Variants in MBD2 observed in about 807,000 individuals in gnomAD.
The protein encoded by MBD2 is methyl-CpG binding domain protein 2, also known as methyl-CpG-binding domain protein 2.
In MBD2, 9 loss-of-function variants were observed where a neutral mutation model predicts 39.3. That is an observed-to-expected ratio of 0.23 (90% CI 0.14 to 0.40). MBD2 has a LOEUF of 0.40. Ranked by LOEUF, MBD2 falls within the 10% of genes least tolerant of loss-of-function variation. MBD2 has a pLI of 1.00. For missense variants in MBD2, 458 were observed against 532.6 expected (o/e 0.86, Z 1.38); for synonymous variants, 233 against 211.1 (o/e 1.10, Z -0.90).
At chr18:54,177,910 G>C (rs961220683) in intron 3 of MBD2, among the ~76,000 whole-genome samples, 1 of 132,116 alleles carries the variant, frequency 7.6e-6, no homozygotes, top group South Asian at 2.4e-4. Flanking sequence ...TATGATCATA[G>C]CTCGCTGCAA....
At chr18:54,210,783 G>A (rs183802872) in intron 1 of MBD2, among the ~76,000 whole-genome samples, 118 of 151,998 alleles carry the variant, frequency 7.8e-4, no homozygotes, top group Middle Eastern at 3.4e-3. Flanking sequence ...TACTTTATGG[G>A]GAATAATAAA....
chr18:54,217,442 C>A (rs867820241), intron 1 of MBD2, among the ~76,000 whole-genome samples: 1 of 152,152 alleles, frequency 6.6e-6, no homozygotes, highest in African/African-American at 2.4e-5. Flanking sequence ...TCGTTTCTCA[C>A]TGGAAATGGC....
intron 2 of MBD2, among the ~76,000 whole-genome samples, chr18:54,204,476 A>T (rs936531675): frequency 6.6e-6 from 1 of 152,254 alleles, no homozygotes; most frequent in African/African-American, 2.4e-5. Context: ...AAATTGCTAT[A>T]CAATAAACTA....
chr18:54,155,897 C>T lies in MBD2; in HGVS notation c.*13-586G>A, dbSNP rs1043722190. Among the ~76,000 whole-genome samples, 13 of 152,206 alleles carry T rather than the reference C, an allele frequency of 8.5e-5. No homozygotes were observed. In the East Asian group the frequency reaches 2.5e-3, roughly 29 times the overall value. On this transcript the variant is annotated intron_variant, in intron 6 of 6. Coordinates refer to ENST00000256429, the MANE Select transcript of MBD2 (RefSeq NM_003927.5). ...ACACCTTTGTTTTTACAGTCATCATCTTCTTCTTCTTCTTAAATTTTACTT... is the reference window on the plus strand; with the variant it reads ...ACACCTTTGTTTTTACAGTCATCATTTTCTTCTTCTTCTTAAATTTTACTT...
chr18:54,208,040 A>G (rs897955320), intron 1 of MBD2, among the ~76,000 whole-genome samples: 1 of 151,976 alleles, frequency 6.6e-6, no homozygotes, highest in Non-Finnish European at 1.5e-5. Flanking sequence ...TCTGTCTCAA[A>G]AAACAACAAC....
In MBD2 at chr18:54,164,523, C is replaced by T. The variant is rs2086117145; in HGVS notation, c.1109G>A (p.Arg370Lys). ...KAFIVTDEDI[R>K]KQEERVQQVR... ...ATGAAGTCATGTTAAACTGCATTAC[C>T]TGATGTCTTCATCTGTGACAATAAA... The change falls in exon 5 of 7, where the codon AGG (arginine) becomes AAG (lysine). Residue 370 changes from arginine to lysine, a missense_variant and splice_region_variant. Coordinates refer to ENST00000256429, the MANE Select transcript of MBD2 (RefSeq NM_003927.5). 2 of 1,607,826 alleles carry T rather than the reference C, an allele frequency of 1.2e-6. No homozygotes were observed. Among genetic ancestry groups the T allele is most frequent in the Non-Finnish European group, 1.7e-6 (2 of 1,174,672 alleles).
chr18:54,163,864 A>AT (rs1158000208), intron 5 of MBD2, among the ~76,000 whole-genome samples: 2 of 151,962 alleles, frequency 1.3e-5, no homozygotes, highest in Admixed American at 6.6e-5. Context: ...CAGAAAAGGC[A>AT]TAACTGAGTG....
Position 54,224,240 on chromosome 18 carries a change from T to A in MBD2, c.320A>T (p.Asp107Val). 1 of 991,552 alleles carries A rather than the reference T, an allele frequency of 1.0e-6. No homozygotes were observed. Among genetic ancestry groups the A allele is most frequent in the Non-Finnish European group, 1.2e-6 (1 of 835,550 alleles). The allele number at this position is 991,552 out of a possible 1,614,324, so 61.4% of individuals were successfully genotyped here. Residue 107 changes from aspartate to valine, a missense_variant, in exon 1 of 7, where the codon GAC becomes GTC. By Grantham distance (152) the Asp-to-Val change is radical (BLOSUM62 -3). This residue lies in a region of MBD2 where 269 missense variants were observed against 236.0 expected (regional missense o/e 1.14). Coordinates refer to ENST00000256429, the MANE Select transcript of MBD2 (RefSeq NM_003927.5). ...GCCGCCGCCGCCGCAGCCGCCGCCG[T>A]CGCCGCCAAGGCCGCTGCCGCCACT... Reference protein sequence around the residue: ...PPSGGSGLGGDGGGCGGGGSG... With the variant: ...PPSGGSGLGGVGGGCGGGGSG...
chr18:54,185,987 T>C (rs1354962411), intron 3 of MBD2, among the ~76,000 whole-genome samples: 8 of 152,076 alleles, frequency 5.3e-5, no homozygotes, highest in Admixed American at 5.2e-4. Flanking sequence ...TTTATATATT[T>C]TATAGAATTC....
At chr18:54,201,535 A>G (rs2086407604) in intron 2 of MBD2, among the ~76,000 whole-genome samples, 1 of 152,130 alleles carries the variant, frequency 6.6e-6, no homozygotes, top group Non-Finnish European at 1.5e-5. Context: ...CCCATCCTAA[A>G]ATAATTAAAA....
At chr18:54,193,255 C>T (rs2086336220) in intron 2 of MBD2, among the ~76,000 whole-genome samples, 1 of 152,172 alleles carries the variant, frequency 6.6e-6, no homozygotes, top group Admixed American at 6.5e-5. Context: ...AAAAGCCAGA[C>T]ACTTTTTTAT....
Position 54,224,525 on chromosome 18 carries a change from G to C in MBD2, c.35C>G (p.Pro12Arg), listed in dbSNP as rs754106347. 2.4e-6 allele frequency: 3 copies of C among 1,228,300 alleles called. No individual in the cohort carries two copies. The highest frequency in any genetic ancestry group is 6.4e-5 in the East Asian group (2 of 31,216). The allele number at this position is 1,228,300 out of a possible 1,614,324, so 76.1% of individuals were successfully genotyped here. A position where few individuals can be genotyped will look rare whatever the true frequency, so the allele number is the denominator to read the frequency against. Residue 12 changes from proline (P) to arginine (R), a missense_variant, in exon 1 of 7, where the codon CCG becomes CGG. By Grantham distance (103) the Pro-to-Arg change is moderately radical. Around this residue, in one of 2 missense-constraint regions of MBD2, gnomAD observed 269 missense variants for 236.0 expected, o/e 1.14. Coordinates refer to ENST00000256429, the MANE Select transcript of MBD2 (RefSeq NM_003927.5). The part of the protein sequence containing the change: ...RAHPGGGRCC[P>R]EQEEGESAAG... ...CGCACTCTCCCCCTCCTCCTGCTCC[G>C]GGCAGCAGCGGCCTCCCCCCGGGTG...
chr18:54,214,201 G>GC (rs1018712604), intron 1 of MBD2, among the ~76,000 whole-genome samples: 2 of 137,964 alleles, frequency 1.4e-5, no homozygotes, highest in African/African-American at 2.7e-5. Context: ...TCTTTGTTTT[G>GC]TTTTTTTTTT....
chr18:54,152,319 G>A lies in MBD2; in HGVS notation c.*3005C>T, dbSNP rs927580749. 2 of 152,302 alleles carry A rather than the reference G, an allele frequency of 1.3e-5. No homozygotes were observed. Among genetic ancestry groups the A allele is most frequent in the African/African-American group, 4.8e-5 (2 of 41,438 alleles). The allele number at this position is 152,302 out of a possible 1,614,324, so 9.4% of individuals were successfully genotyped here. A position where few individuals can be genotyped will look rare whatever the true frequency, so the allele number is the denominator to read the frequency against. On this transcript the variant is annotated 3_prime_UTR_variant, in exon 7 of 7. Coordinates refer to ENST00000256429, the MANE Select transcript of MBD2 (RefSeq NM_003927.5). ...ACAGAGGCCCAAGGGGCACTTCAAA[G>A]AAGCAAGTAAAGAGGTTTTTCTTGA...
At chr18:54,221,469 A>AT (rs2086612031) in intron 1 of MBD2, among the ~76,000 whole-genome samples, 1 of 150,854 alleles carries the variant, frequency 6.6e-6, no homozygotes, top group African/African-American at 2.4e-5. Flanking sequence ...AAAAAAAAAA[A>AT]AAATTATTAA....
intron 3 of MBD2, among the ~76,000 whole-genome samples, chr18:54,173,488 A>G (rs186256935): frequency 6.6e-6 from 1 of 152,206 alleles, no homozygotes; most frequent in Non-Finnish European, 1.5e-5. Context: ...AGGAGAGAAG[A>G]GTAGAGAAAG....
In MBD2 at chr18:54,212,859, G is replaced by A. The variant is rs1004448854; in HGVS notation, c.543-7702C>T. On this transcript the variant is annotated intron_variant, in intron 1 of 6. Transcript: ENST00000256429. ...GCCTGGGCAAAAAAGGCGAAACTCA[G>A]TCTCTACAAAAAAAACACAAAAATT... is the stretch of plus-strand genomic sequence containing the variant. Among the ~76,000 whole-genome samples, 25 of 59,240 alleles carry A rather than the reference G, an allele frequency of 4.2e-4. No individual in the cohort carries two copies. The East Asian group carries it at 0.025, about 58-fold the overall frequency. The allele number at this position is 59,240 out of a possible 152,430, so 38.9% of individuals were successfully genotyped here.
chr18:54,214,338 G>A (rs2086537326), intron 1 of MBD2, among the ~76,000 whole-genome samples: 1 of 151,992 alleles, frequency 6.6e-6, no homozygotes, highest in Non-Finnish European at 1.5e-5. Context: ...TGGGAGTACA[G>A]GCTCAGGCCA....
intron 3 of MBD2, among the ~76,000 whole-genome samples, chr18:54,170,453 C>T (rs1286795954): frequency 1.3e-5 from 2 of 152,158 alleles, no homozygotes; most frequent in Non-Finnish European, 2.9e-5. Flanking sequence ...ACACCGATCC[C>T]TATTCTGATG....
Sources: allele counts gnomAD v4.1 joint callset (sites outside exome capture counted in the v4.1 genomes callset), GRCh38; gene constraint gnomAD v4.1.1; regional missense constraint gnomAD v4.1.1; transcripts MANE v1.5; gene names NCBI Gene and HGNC (gene_info 2026-07-23, HGNC 2026-07-21).